The following PPM1H variants were observed in gnomAD, a reference collection of about 807,000 sequenced individuals.
PPM1H encodes the protein protein phosphatase 1H.
In PPM1H, 27 loss-of-function variants were observed where a neutral mutation model predicts 54.9. The observed-to-expected ratio is 0.49, with a 90% CI of 0.36 to 0.68. PPM1H has a LOEUF of 0.68. Ranked by LOEUF, PPM1H falls within the 30% of genes least tolerant of loss-of-function variation. PPM1H has a pLI of 0.00. For synonymous variants in PPM1H, 305 were observed against 270.8 expected, an observed-to-expected ratio of 1.13 and a Z score of -1.24; for missense variants, 596 against 667.8, an observed-to-expected ratio of 0.89 and a Z score of 1.19.
At chr12:62,848,295 TA>T (rs1869049742) in intron 1 of PPM1H, among the ~76,000 whole-genome samples, 1 of 152,220 alleles carries the variant, frequency 6.6e-6, no homozygotes, top group Admixed American at 6.5e-5. Flanking sequence ...AAAAGTTCAT[TA>T]ATAAGATGAC....
intron 4 of PPM1H, chr12:62,756,327 C>T (rs2076474509): frequency 3.9e-6 from 2 of 508,498 alleles, no homozygotes; most frequent in African/African-American, 3.9e-5. Flanking sequence ...CCCCACAACA[C>T]TGAGAATCTC....
intron 1 of PPM1H, among the ~76,000 whole-genome samples, chr12:62,896,764 G>T (rs966673381): frequency 2.0e-5 from 3 of 152,100 alleles, no homozygotes; most frequent in Non-Finnish European, 4.4e-5. Context: ...ATACCCAAAG[G>T]CTTATAAATC....
chr12:62,901,189 T>A (rs1266169927), intron 1 of PPM1H, among the ~76,000 whole-genome samples: 1 of 152,246 alleles, frequency 6.6e-6, no homozygotes, highest in African/African-American at 2.4e-5. Flanking sequence ...GCACAATGAA[T>A]ATTAGTATTC....
chr12:62,768,686 G>A (rs1187553567), intron 4 of PPM1H, among the ~76,000 whole-genome samples: 2 of 151,984 alleles, frequency 1.3e-5, no homozygotes. Flanking sequence ...GGGATAAGGG[G>A]AAGGTTGTGC....
chr12:62,651,985 T>C (rs187714970), intron 9 of PPM1H, among the ~76,000 whole-genome samples: 15 of 152,330 alleles, frequency 9.8e-5, no homozygotes, highest in Non-Finnish European at 1.9e-4. Flanking sequence ...AGTCCTTCTC[T>C]CTGATGCTCC....
intron 1 of PPM1H, among the ~76,000 whole-genome samples, chr12:62,858,781 T>C (rs753465106): frequency 6.6e-6 from 1 of 152,226 alleles, no homozygotes; most frequent in African/African-American, 2.4e-5. Context: ...TCAGTTTTAT[T>C]CCTCAGCTAT....
At chr12:62,911,195 G>A (rs1342119342) in intron 1 of PPM1H, among the ~76,000 whole-genome samples, 2 of 152,180 alleles carry the variant, frequency 1.3e-5, no homozygotes, top group African/African-American at 4.8e-5. Flanking sequence ...GCACTCCAAA[G>A]TCTGAGTGGG....
rs1408268845 is a variant in PPM1H, at chr12:62,737,522, G to A, written c.934C>T (p.Arg312Cys). 8.8e-6 allele frequency: 14 copies of A among 1,582,154 alleles called. No individual in the cohort carries two copies. Among genetic ancestry groups the A allele is most frequent in the Non-Finnish European group, 1.2e-5 (14 of 1,162,472 alleles). The change falls in exon 5 of 10, where the codon CGC (arginine) becomes TGC (cysteine). Residue 312 changes from arginine to cysteine, a missense_variant. Coordinates refer to ENST00000228705, the MANE Select transcript of PPM1H (RefSeq NM_020700.2). ...MSSEFTPETERQRLQYLAFMQ... is the reference protein window; with the variant it reads ...MSSEFTPETECQRLQYLAFMQ... The stretch of plus-strand genomic sequence containing the variant: ...CTTACCAGGTACTGAAGTCGCTGGC[G>A]CTCCGTCTCGGGGGTAAATTCTGAA...
At chr12:62,810,386 C>T (rs540067211) in intron 2 of PPM1H, among the ~76,000 whole-genome samples, 4 of 152,244 alleles carry the variant, frequency 2.6e-5, no homozygotes, top group East Asian at 1.9e-4. Context: ...TCCAAAGAAA[C>T]GAAGAGACAT....
At chr12:62,864,416 G>A (rs1202105382) in intron 1 of PPM1H, among the ~76,000 whole-genome samples, 1 of 152,212 alleles carries the variant, frequency 6.6e-6, no homozygotes, top group Non-Finnish European at 1.5e-5. Flanking sequence ...CCACTTAGCT[G>A]ACATTCTCAT....
At chr12:62,811,931 AACATC>A (rs1592611608) in intron 2 of PPM1H, among the ~76,000 whole-genome samples, 3 of 152,164 alleles carry the variant, frequency 2.0e-5, no homozygotes, top group African/African-American at 2.4e-5. Flanking sequence ...TAATCCCCCT[AACATC>A]ACAATAAAAT....
chr12:62,775,990 C>T (rs1322283182), intron 4 of PPM1H, among the ~76,000 whole-genome samples: 6 of 152,148 alleles, frequency 3.9e-5, no homozygotes, highest in Non-Finnish European at 8.8e-5. Context: ...GGTACAAAGG[C>T]ACGTCTTACT....
intron 4 of PPM1H, among the ~76,000 whole-genome samples, chr12:62,758,639 T>A (rs1565780077): frequency 6.6e-6 from 1 of 152,144 alleles, no homozygotes; most frequent in Non-Finnish European, 1.5e-5. Context: ...CCACACTGGC[T>A]ACATTTTATT....
intron 2 of PPM1H, among the ~76,000 whole-genome samples, chr12:62,831,426 C>T (rs974535062): frequency 6.6e-6 from 1 of 152,102 alleles, no homozygotes. Flanking sequence ...AAACTGGAGA[C>T]AGGATAAATA....
At chr12:62,681,477 A>C (rs2076018834) in intron 8 of PPM1H, among the ~76,000 whole-genome samples, 1 of 152,132 alleles carries the variant, frequency 6.6e-6, no homozygotes, top group African/African-American at 2.4e-5. Flanking sequence ...TGAAGACCTT[A>C]TCTACTGCCT....
chr12:62,759,732 T>TG (rs1174883619), intron 4 of PPM1H, among the ~76,000 whole-genome samples: 4 of 151,646 alleles, frequency 2.6e-5, no homozygotes. Flanking sequence ...TCCACTTTCC[T>TG]GGGGGGCAAG....
At chr12:62,869,397 T>G (rs745945175) in intron 1 of PPM1H, among the ~76,000 whole-genome samples, 1 of 152,210 alleles carries the variant, frequency 6.6e-6, no homozygotes, top group Non-Finnish European at 1.5e-5. Context: ...AAGGGGCATG[T>G]AATATTAATG....
chr12:62,843,106 A>G (rs1319479643), intron 1 of PPM1H, among the ~76,000 whole-genome samples: 3 of 152,186 alleles, frequency 2.0e-5, no homozygotes, highest in African/African-American at 4.8e-5. Flanking sequence ...GCTTGAGGTC[A>G]GGAGTTTGAG....
intron 5 of PPM1H, among the ~76,000 whole-genome samples, chr12:62,729,990 A>G (rs990067003): frequency 6.6e-6 from 1 of 152,056 alleles, no homozygotes; most frequent in Non-Finnish European, 1.5e-5. Context: ...AACTGATGAC[A>G]TGGTCTTGTG....
Sources: allele counts gnomAD v4.1 joint callset (sites outside exome capture counted in the v4.1 genomes callset), GRCh38; gene constraint gnomAD v4.1.1; transcripts MANE v1.5; gene names NCBI Gene and HGNC (gene_info 2026-07-23, HGNC 2026-07-21).